The following PPME1 variants were observed in gnomAD, a reference collection of about 807,000 sequenced individuals.
PPME1 encodes the protein testicular secretory protein Li 39.
Under a neutral mutation model 56.9 loss-of-function variants are expected in PPME1, and 17 were observed. That is an observed-to-expected ratio of 0.30 (90% confidence interval 0.20 to 0.45). The LOEUF (loss-of-function observed/expected upper bound fraction) is 0.45. Among genes scored for constraint, PPME1 ranks in the 20% least tolerant of loss-of-function variants. The probability of loss-of-function intolerance (pLI) is 1.00; values close to 1 mark genes in which losing one functional copy is unlikely to be tolerated. For synonymous variants in PPME1, 122 were observed against 156.2 expected, an observed-to-expected ratio of 0.78 and a Z score of 1.63; for missense variants, 357 against 483.2, an observed-to-expected ratio of 0.74 and a Z score of 2.45.
chr11:74,187,025 C>A (rs1857702193), intron 1 of PPME1, among the ~76,000 whole-genome samples: 1 of 152,150 alleles, frequency 6.6e-6, no homozygotes, highest in African/African-American at 2.4e-5. Flanking sequence ...ATACAGTTAT[C>A]TTGGCATCCT....
At chr11:74,183,843 G>A (rs1036865407) in intron 1 of PPME1, among the ~76,000 whole-genome samples, 1 of 152,094 alleles carries the variant, frequency 6.6e-6, no homozygotes, top group African/African-American at 2.4e-5. Context: ...AAGGCAGTTA[G>A]CATTTAGGAG....
rs1858827236 is a variant in PPME1 at position 74,222,613 on chromosome 11, C to G, written c.346+244C>G. ...AAGCAATTATCCTGCCTCAGTCTCC[C>G]CAGTAGCTGGGATTACAGGTATGCG... On this transcript the variant is annotated intron_variant, in intron 4 of 13. Coordinates refer to ENST00000328257, the MANE Select transcript of PPME1 (RefSeq NM_016147.3). 5.3e-5 allele frequency: 23 copies of G among 432,306 alleles called. 1 individual carries two copies. Among genetic ancestry groups the G allele is most frequent in the South Asian group, 4.9e-4 (22 of 45,140 alleles). 26.8% of individuals were successfully genotyped at this position (432,306 alleles called of 1,614,324 possible).
chr11:74,217,852 C>A (rs76918002), intron 3 of PPME1, among the ~76,000 whole-genome samples: 1 of 151,920 alleles, frequency 6.6e-6, no homozygotes, highest in Non-Finnish European at 1.5e-5. Context: ...AAAGTTGAAA[C>A]CTTTCTTGTA....
chr11:74,202,930 AGCAC>A (rs1312288711), intron 1 of PPME1, among the ~76,000 whole-genome samples: 3 of 152,288 alleles, frequency 2.0e-5, no homozygotes, highest in Admixed American at 1.3e-4. Context: ...CCCAAGTGAT[AGCAC>A]GCATATCGTG....
intron 8 of PPME1, 147 bp downstream of exon 8, chr11:74,236,113 G>T: frequency 1.5e-6 from 2 of 1,292,308 alleles, no homozygotes; most frequent in South Asian, 1.8e-5. Context: ...GTTCAGTTGG[G>T]ACAGACATAG....
At chr11:74,245,211 TAAAA>T (rs538656023) in intron 9 of PPME1, among the ~76,000 whole-genome samples, 1 of 146,036 alleles carries the variant, frequency 6.8e-6, no homozygotes, top group East Asian at 2.0e-4. Flanking sequence ...TTTTATTTCC[TAAAA>T]AAAAAAGCCA....
chr11:74,235,291 TAG>T (rs1302427850), intron 7 of PPME1, among the ~76,000 whole-genome samples: 1 of 152,196 alleles, frequency 6.6e-6, no homozygotes, highest in East Asian at 1.9e-4. Context: ...CTAAGCCCTG[TAG>T]CACGGCACAC....
At chr11:74,180,903 C>T (rs112378367) in intron 1 of PPME1, among the ~76,000 whole-genome samples, 19 of 152,288 alleles carry the variant, frequency 1.2e-4, no homozygotes, top group Admixed American at 4.6e-4. Context: ...AGCAAGTGGT[C>T]CACCATTAAA....
chr11:74,242,747 C>T (rs890368298), intron 9 of PPME1, among the ~76,000 whole-genome samples: 3 of 151,588 alleles, frequency 2.0e-5, no homozygotes, highest in Non-Finnish European at 4.4e-5. Context: ...GGCGTGGTGG[C>T]GTGCGTCTGT....
intron 1 of PPME1, among the ~76,000 whole-genome samples, chr11:74,196,784 A>G (rs894289611): frequency 6.6e-6 from 1 of 152,220 alleles, no homozygotes; most frequent in Non-Finnish European, 1.5e-5. Context: ...GTGATAAAGG[A>G]TTAATTTCTT....
At chr11:74,185,712 C>A (rs1857663376) in intron 1 of PPME1, among the ~76,000 whole-genome samples, 1 of 141,090 alleles carries the variant, frequency 7.1e-6, no homozygotes, top group African/African-American at 2.6e-5. Flanking sequence ...ATGTTGTTTT[C>A]CTGTTGGGTG....
At chr11:74,221,521 A>G (rs759704811) in intron 3 of PPME1, among the ~76,000 whole-genome samples, 2 of 151,842 alleles carry the variant, frequency 1.3e-5, no homozygotes, top group African/African-American at 2.4e-5. Flanking sequence ...TTCTGTTTTT[A>G]CTCCTAATTT....
At chr11:74,215,691 G>A (rs530246441) in intron 3 of PPME1, among the ~76,000 whole-genome samples, 20 of 152,120 alleles carry the variant, frequency 1.3e-4, no homozygotes, top group African/African-American at 3.9e-4. Flanking sequence ...GACTAAACTC[G>A]CCAATCAAAA....
intron 3 of PPME1, among the ~76,000 whole-genome samples, chr11:74,216,992 A>G (rs1216667150): frequency 6.6e-6 from 1 of 152,180 alleles, no homozygotes; most frequent in Non-Finnish European, 1.5e-5. Context: ...TCTCCCAGTA[A>G]AGAAAAATGG....
intron 3 of PPME1, among the ~76,000 whole-genome samples, chr11:74,211,261 T>C (rs1466944955): frequency 6.6e-6 from 1 of 152,152 alleles, no homozygotes; most frequent in Non-Finnish European, 1.5e-5. Context: ...CCCAGTGGGA[T>C]TTTTTCATGA....
At chr11:74,241,220 T>A (rs896197430) in intron 9 of PPME1, among the ~76,000 whole-genome samples, 1 of 152,226 alleles carries the variant, frequency 6.6e-6, no homozygotes, top group East Asian at 1.9e-4. Context: ...ACATTAAATA[T>A]AGATGGAACT....
chr11:74,196,030 A>G (rs748931475), intron 1 of PPME1, among the ~76,000 whole-genome samples: 12 of 152,240 alleles, frequency 7.9e-5, no homozygotes, highest in Non-Finnish European at 1.5e-4. Context: ...ATAATGACTA[A>G]CAGGAAGTAC....
At chr11:74,196,700 G>A (rs1007964700) in intron 1 of PPME1, among the ~76,000 whole-genome samples, 2 of 152,192 alleles carry the variant, frequency 1.3e-5, no homozygotes, top group East Asian at 3.8e-4. Context: ...GTTCCCGAAA[G>A]TAAGAGGAGG....
intron 9 of PPME1, among the ~76,000 whole-genome samples, chr11:74,245,537 A>T (rs2135677321): frequency 6.6e-6 from 1 of 152,284 alleles, no homozygotes; most frequent in East Asian, 1.9e-4. Flanking sequence ...CAAAATTACT[A>T]TTGCAGGAAC....
Sources: allele counts gnomAD v4.1 joint callset (sites outside exome capture counted in the v4.1 genomes callset), GRCh38; gene constraint gnomAD v4.1.1; transcripts MANE v1.5; gene names NCBI Gene and HGNC (gene_info 2026-07-23, HGNC 2026-07-21).